DNAH5: variants seen among roughly 807,000 people sequenced by gnomAD.
The protein encoded by DNAH5 is axonemal beta dynein heavy chain 5.
A neutral mutation model predicts 518.2 loss-of-function variants in DNAH5; 372 were observed. That is an observed-to-expected ratio of 0.72 (90% CI 0.66 to 0.78). The LOEUF (loss-of-function observed/expected upper bound fraction) is 0.78. Among genes scored for constraint, DNAH5 ranks in the 30% least tolerant of loss-of-function variants. The pLI is 0.00. For missense variants in DNAH5, 5,523 were observed against 5,687.0 expected (o/e 0.97, Z 0.93); for synonymous variants, 2,039 against 2,025.9 (o/e 1.01, Z -0.17).
At chr5:13,799,098 G>A (rs1253570252) in intron 47 of DNAH5, among the ~76,000 whole-genome samples, 2 of 151,656 alleles carry the variant, frequency 1.3e-5, no homozygotes, top group African/African-American at 4.9e-5. Flanking sequence ...CAAGCAATGT[G>A]AAAATTTTTC....
chr5:13,747,673 C>T (rs1387764817), intron 65 of DNAH5, among the ~76,000 whole-genome samples: 1 of 152,184 alleles, frequency 6.6e-6, no homozygotes, highest in Non-Finnish European at 1.5e-5. Context: ...CTGTTGGCTG[C>T]ATAAATGTCT....
intron 17 of DNAH5, among the ~76,000 whole-genome samples, chr5:13,886,694 T>C (rs1035596403): frequency 2.6e-5 from 4 of 152,204 alleles, no homozygotes; most frequent in Admixed American, 6.5e-5. Flanking sequence ...AGTAAGCCCA[T>C]GAAACAACAG....
At chr5:13,936,738 A>G (rs1028119945) in intron 1 of DNAH5, among the ~76,000 whole-genome samples, 1 of 152,178 alleles carries the variant, frequency 6.6e-6, no homozygotes, top group African/African-American at 2.4e-5. Flanking sequence ...CATTTTCATA[A>G]TGATTTCTTT....
At chr5:13,740,755 T>A (rs1223536559) in intron 65 of DNAH5, among the ~76,000 whole-genome samples, 1 of 152,172 alleles carries the variant, frequency 6.6e-6, no homozygotes, top group Non-Finnish European at 1.5e-5. Flanking sequence ...TCTTCCCTTA[T>A]TCAAGTCTTC....
chr5:13,829,823 CG>C, intron 37 of DNAH5, 119 bp from the exon 38 acceptor site: 1 of 1,183,376 alleles, frequency 8.5e-7, no homozygotes, highest in Non-Finnish European at 1.2e-6. Flanking sequence ...AACTCATTTA[CG>C]TATCTCAATC....
Position 13,716,544 on chromosome 5 carries a change from G to C in DNAH5, c.12852C>G (p.Tyr4284Ter). 1 of 1,613,896 alleles carries C rather than the reference G, an allele frequency of 6.2e-7. No individual in the cohort carries two copies. Among genetic ancestry groups the C allele is most frequent in the Non-Finnish European group, 8.5e-7 (1 of 1,179,878 alleles). ...TGCATTTTGGAATATTGTATCCTTG[G>C]TAAAAACTGAAATCTGGTCCAAACA... ...ENMFGPDFSF[Y>*]QGYNIPKCST... The change falls in exon 74 of 79, where the codon TAC becomes TAG. Residue 4284 changes from tyrosine (Y) to a stop codon, truncating the protein, a stop_gained. Coordinates refer to ENST00000265104, the MANE Select transcript of DNAH5 (RefSeq NM_001369.3). LOFTEE classifies it high-confidence loss of function.
chr5:13,941,789 C>T (rs975114557), intron 1 of DNAH5, among the ~76,000 whole-genome samples: 11 of 152,330 alleles, frequency 7.2e-5, no homozygotes, highest in Non-Finnish European at 1.5e-4. Flanking sequence ...GAAACACATA[C>T]AGCACAAAAC....
intron 12 of DNAH5, among the ~76,000 whole-genome samples, chr5:13,910,438 A>T (rs1180545661): frequency 6.6e-6 from 1 of 152,226 alleles, no homozygotes; most frequent in Admixed American, 6.5e-5. Flanking sequence ...ACTCATTCTA[A>T]CACTGAACTC....
intron 69 of DNAH5, among the ~76,000 whole-genome samples, chr5:13,729,128 T>C (rs996940086): frequency 2.6e-5 from 4 of 152,228 alleles, no homozygotes; most frequent in African/African-American, 7.2e-5. Flanking sequence ...TAAGTCTATC[T>C]AATTATTTAA....
At chr5:13,848,121 A>G (rs1359775036) in intron 31 of DNAH5, among the ~76,000 whole-genome samples, 1 of 152,242 alleles carries the variant, frequency 6.6e-6, no homozygotes, top group Non-Finnish European at 1.5e-5. Flanking sequence ...ATGGCGCAGC[A>G]TCAATCATTA....
chr5:13,841,738 T>C lies in DNAH5; in HGVS notation c.5438A>G (p.Glu1813Gly), dbSNP rs199910966. The C allele has an allele frequency of 1.8e-4, 284 of 1,614,098 alleles. No individual in the cohort carries two copies. The highest frequency in any genetic ancestry group is 4.7e-4 in the Admixed American group (28 of 60,022). The change falls in exon 33 of 79, where the codon GAA becomes GGA. Residue 1813 changes from glutamate (E) to glycine (G), a missense_variant. By Grantham distance (98) the Glu-to-Gly change is moderately conservative. Transcript: ENST00000265104. Reference sequence around the variant, plus strand: ...AAATTCAGTTAGTTGGAAACCTGTTTCTTGAATATTTGCGGCTGCCTGGCG... The same window carrying C: ...AAATTCAGTTAGTTGGAAACCTGTTCCTTGAATATTTGCGGCTGCCTGGCG... ...VIRQAAANIQ[E>G]TGFQLTEFLS...
Position 13,923,393 on chromosome 5 carries a change from T to G in DNAH5, c.325A>C (p.Lys109Gln). 4 of 1,614,218 alleles carry G rather than the reference T, an allele frequency of 2.5e-6. No individual in the cohort carries two copies. Among genetic ancestry groups the G allele is most frequent in the Non-Finnish European group, 3.4e-6 (4 of 1,180,008 alleles). Reference sequence around the variant, plus strand: ...TCGGTCACGAACACCTTAGGTTTTTTAATCTTTCCAGAAACAAGATTTACC... The same window carrying G: ...TCGGTCACGAACACCTTAGGTTTTTGAATCTTTCCAGAAACAAGATTTACC... Reference protein sequence around the residue: ...GGVNLVSGKIKKPKVFVTEGN... With the variant: ...GGVNLVSGKIQKPKVFVTEGN... The change falls in exon 4 of 79, where the codon AAA (lysine) becomes CAA (glutamine). Residue 109 changes from lysine (K) to glutamine (Q), a missense_variant. Around this residue, in one of 3 missense-constraint regions of DNAH5, gnomAD observed 5,121 missense variants for 5,223.3 expected, o/e 0.98. Coordinates refer to ENST00000265104, the MANE Select transcript of DNAH5 (RefSeq NM_001369.3).
intron 77 of DNAH5, 112 bp downstream of exon 77, chr5:13,701,172 C>T (rs1677202777): frequency 1.4e-6 from 2 of 1,469,892 alleles, no homozygotes; most frequent in South Asian, 2.3e-5. Flanking sequence ...ACTGCTAGTA[C>T]CAAAAAGAGA....
In DNAH5 at chr5:13,717,434, G is replaced by C. The variant is rs886059965; in HGVS notation, c.12586C>G (p.Gln4196Glu). ...AGGGCACCGAACTTGCGCCTCTCCTGGACAGTGGAGTGCAGGAAAGCCACT... is the reference window on the plus strand; with the variant it reads ...AGGGCACCGAACTTGCGCCTCTCCTCGACAGTGGAGTGCAGGAAAGCCACT... ...YAVAFLHSTV[Q>E]ERRKFGALGW... Residue 4196 changes from glutamine (Q) to glutamate (E), a missense_variant, in exon 73 of 79, where the codon CAG (glutamine) becomes GAG (glutamate). Coordinates refer to ENST00000265104, the MANE Select transcript of DNAH5 (RefSeq NM_001369.3). 1 of 1,614,134 alleles carries C rather than the reference G, an allele frequency of 6.2e-7. No individual in the cohort carries two copies. Among genetic ancestry groups the C allele is most frequent in the Non-Finnish European group, 8.5e-7 (1 of 1,180,028 alleles).
chr5:13,711,645 G>A (rs1354222946), intron 75 of DNAH5, among the ~76,000 whole-genome samples: 1 of 152,134 alleles, frequency 6.6e-6, no homozygotes, highest in Non-Finnish European at 1.5e-5. Flanking sequence ...AAAGCTCTTG[G>A]AACTGATACA....
intron 55 of DNAH5, 81 bp downstream of exon 55, chr5:13,776,358 G>A (rs1754084267): frequency 6.3e-7 from 1 of 1,577,096 alleles, no homozygotes; most frequent in South Asian, 1.1e-5. Context: ...ATCCAGCTGA[G>A]GCAGAGCCTT....
At chr5:13,754,511 C>G (rs1004316820) in intron 61 of DNAH5, among the ~76,000 whole-genome samples, 173 bp from the exon 62 acceptor site, 2 of 152,132 alleles carry the variant, frequency 1.3e-5, no homozygotes, top group Non-Finnish European at 2.9e-5. Flanking sequence ...AGTCCTCTCT[C>G]CTTTGCCCTG....
At chr5:13,910,693 A>T (rs1775878777) in intron 12 of DNAH5, among the ~76,000 whole-genome samples, 1 of 152,088 alleles carries the variant, frequency 6.6e-6, no homozygotes, top group African/African-American at 2.4e-5. Context: ...CCCGTGACCC[A>T]GTGGATCCCA....
chr5:13,717,258 G>A, intron 73 of DNAH5, 57 bp downstream of exon 73: 28 of 1,519,358 alleles, frequency 1.8e-5, no homozygotes, highest in Non-Finnish European at 2.5e-5. Context: ...GGTCCCGTGA[G>A]CTTGATGGCC....
Sources: gnomAD v4.1 joint callset for allele counts (sites outside exome capture counted in the v4.1 genomes callset) on GRCh38, gnomAD v4.1.1 for gene constraint, gnomAD v4.1.1 regional missense constraint, MANE v1.5 for transcripts, NCBI Gene and HGNC (gene_info 2026-07-23, HGNC 2026-07-21) for gene names.